RAP1GDS1: variants seen among roughly 807,000 people sequenced by gnomAD.
The protein encoded by RAP1GDS1 is Rap1 GTPase-GDP dissociation stimulator 1.
Under a neutral mutation model 71.1 loss-of-function variants are expected in RAP1GDS1, and 35 were observed. The ratio of observed to expected loss-of-function variants is 0.49; its 90% confidence interval spans 0.38 to 0.65. The LOEUF (loss-of-function observed/expected upper bound fraction) is 0.65, where lower values mean the gene tolerates loss of function less well. RAP1GDS1 is among the 30% of genes least tolerant of loss of function. RAP1GDS1 has a pLI of 0.00. For missense variants in RAP1GDS1, 663 were observed against 706.1 expected (o/e 0.94, Z 0.69); for synonymous variants, 229 against 243.1 (o/e 0.94, Z 0.54).
At chr4:98,404,358 C>T in intron 6 of RAP1GDS1, 119 bp from the exon 7 acceptor site, 1 of 931,666 alleles carries the variant, frequency 1.1e-6, no homozygotes, top group Non-Finnish European at 1.5e-6. Context: ...TTTGATTGTT[C>T]CCATATTTGA....
At chr4:98,430,054 G>T (rs1750177768) in intron 12 of RAP1GDS1, among the ~76,000 whole-genome samples, 2 of 152,024 alleles carry the variant, frequency 1.3e-5, no homozygotes, top group African/African-American at 4.8e-5. Flanking sequence ...GCTTTTCTGT[G>T]AATTTTGTTC....
At chr4:98,282,115 T>C (rs991651540) in intron 1 of RAP1GDS1, among the ~76,000 whole-genome samples, 1 of 152,224 alleles carries the variant, frequency 6.6e-6, no homozygotes, top group African/African-American at 2.4e-5. Flanking sequence ...AGGATGATGC[T>C]GGCCTCATAA....
At chr4:98,271,829 A>G (rs1326364367) in intron 1 of RAP1GDS1, among the ~76,000 whole-genome samples, 1 of 152,212 alleles carries the variant, frequency 6.6e-6, no homozygotes, top group Non-Finnish European at 1.5e-5. Context: ...AGTAGGTGAC[A>G]CTGTCTCCAT....
chr4:98,339,932 A>G (rs1735251842), intron 2 of RAP1GDS1, among the ~76,000 whole-genome samples: 2 of 151,876 alleles, frequency 1.3e-5, no homozygotes, highest in Admixed American at 6.6e-5. Flanking sequence ...AAATAGAACT[A>G]CCATTCTACC....
chr4:98,443,451 C>T lies in RAP1GDS1; in HGVS notation c.*1334C>T. 4.3e-6 allele frequency: 1 copy of T among 230,356 alleles called. No individual in the cohort carries two copies. The highest frequency in any genetic ancestry group is 8.6e-6 in the Non-Finnish European group (1 of 116,276). 14.3% of individuals were successfully genotyped at this position (230,356 alleles called of 1,614,324 possible). A position where few individuals can be genotyped will look rare whatever the true frequency, so the allele number is the denominator to read the frequency against. ...GACCCACCTGCCTTCTCCCCATACC[C>T]AAATTTGACCACTACTGGCCTAAAA... On this transcript the variant is annotated 3_prime_UTR_variant, in exon 15 of 15. Transcript: ENST00000408927.
rs1028407582 is a variant in RAP1GDS1, at chr4:98,273,347, A to G, written c.4+11778A>G. 5.3e-5 allele frequency among the ~76,000 whole-genome samples: 8 copies of G among 152,292 alleles called. No homozygotes were observed. The East Asian group carries it at 1.5e-3, about 29-fold the overall frequency. On this transcript the variant is annotated intron_variant, in intron 1 of 14. Coordinates refer to ENST00000408927, the MANE Select transcript of RAP1GDS1 (RefSeq NM_001100427.2). ...TAACAGCAAATTTCAACAATGCAAA[A>G]ACTGCAGTTATGTTGCGCCAGCCTA...
chr4:98,404,653 T>A (rs531539878), intron 7 of RAP1GDS1, 51 bp downstream of exon 7: 1 of 1,551,208 alleles, frequency 6.4e-7, no homozygotes, highest in South Asian at 1.2e-5. Flanking sequence ...TGCTTTAAAC[T>A]TTTTTCCTAA....
At chr4:98,376,853 G>A in intron 4 of RAP1GDS1, among the ~76,000 whole-genome samples, 1 of 151,938 alleles carries the variant, frequency 6.6e-6, no homozygotes, top group Non-Finnish European at 1.5e-5. Flanking sequence ...GAGGGGGGTG[G>A]AAGGAGAGGA....
intron 9 of RAP1GDS1, 88 bp downstream of exon 9, chr4:98,417,586 G>GT: frequency 1.5e-6 from 2 of 1,353,734 alleles, no homozygotes; most frequent in South Asian, 1.4e-5. Context: ...AACTGGAACA[G>GT]TTTAGAAGTT....
intron 2 of RAP1GDS1, among the ~76,000 whole-genome samples, chr4:98,337,629 A>G (rs1325516935): frequency 2.6e-5 from 4 of 152,224 alleles, no homozygotes; most frequent in Admixed American, 6.5e-5. Flanking sequence ...ATTAAGACAC[A>G]GTGTTTATGG....
intron 2 of RAP1GDS1, among the ~76,000 whole-genome samples, chr4:98,307,643 A>AT (rs1258303097): frequency 6.6e-6 from 1 of 151,968 alleles, no homozygotes; most frequent in Non-Finnish European, 1.5e-5. Context: ...TTGCGTATGG[A>AT]TTTTTTCTGT....
At chr4:98,274,071 T>G (rs1723866706) in intron 1 of RAP1GDS1, among the ~76,000 whole-genome samples, 1 of 152,218 alleles carries the variant, frequency 6.6e-6, no homozygotes, top group East Asian at 1.9e-4. Context: ...TACTTGTAAT[T>G]GGAACAGTGT....
At chr4:98,419,202 T>A (rs1479237068) in intron 10 of RAP1GDS1, among the ~76,000 whole-genome samples, 1 of 152,104 alleles carries the variant, frequency 6.6e-6, no homozygotes, top group Non-Finnish European at 1.5e-5. Context: ...ACTACAGGCA[T>A]GTGCCACCAT....
At chr4:98,434,682 G>A (rs1444363180) in intron 13 of RAP1GDS1, among the ~76,000 whole-genome samples, 1 of 149,972 alleles carries the variant, frequency 6.7e-6, no homozygotes, top group Non-Finnish European at 1.5e-5. Flanking sequence ...GTGCAGTGGC[G>A]CAATCTCAGC....
At chr4:98,302,323 T>G (rs1728683500) in intron 2 of RAP1GDS1, among the ~76,000 whole-genome samples, 2 of 151,942 alleles carry the variant, frequency 1.3e-5, no homozygotes, top group African/African-American at 4.8e-5. Context: ...CAGAAGAAAT[T>G]GAAGAAAATG....
chr4:98,325,566 T>G (rs1002964388), intron 2 of RAP1GDS1, among the ~76,000 whole-genome samples: 3 of 150,382 alleles, frequency 2.0e-5, no homozygotes, highest in African/African-American at 7.3e-5. Context: ...ATGTGGCACA[T>G]ATACACCATG....
At chr4:98,318,551 C>G (rs1022161480) in intron 2 of RAP1GDS1, among the ~76,000 whole-genome samples, 1 of 152,076 alleles carries the variant, frequency 6.6e-6, no homozygotes. Flanking sequence ...GATAAAATAC[C>G]TTCTTGATGA....
At chr4:98,312,010 A>G (rs1037684514) in intron 2 of RAP1GDS1, among the ~76,000 whole-genome samples, 1 of 152,210 alleles carries the variant, frequency 6.6e-6, no homozygotes, top group Non-Finnish European at 1.5e-5. Context: ...ATAAGGCAGC[A>G]AGAAATCAGA....
chr4:98,377,029 A>T (rs752573952), intron 4 of RAP1GDS1, among the ~76,000 whole-genome samples: 80 of 151,962 alleles, frequency 5.3e-4, no homozygotes, highest in Non-Finnish European at 9.3e-4. Context: ...GCCAGCTTTC[A>T]TTCACAGTTC....
Sources: allele counts gnomAD v4.1 joint callset (sites outside exome capture counted in the v4.1 genomes callset), GRCh38; gene constraint gnomAD v4.1.1; transcripts MANE v1.5; gene names NCBI Gene and HGNC (gene_info 2026-07-23, HGNC 2026-07-21).